The following ATP6V1A variants were observed in gnomAD, a reference collection of about 807,000 sequenced individuals.
ATP6V1A encodes ATPase H+ transporting V1 subunit A, also known as V-type proton ATPase catalytic subunit A.
A neutral mutation model predicts 70.1 loss-of-function variants in ATP6V1A; 18 were observed. The ratio of observed to expected loss-of-function variants is 0.26; its 90% CI spans 0.18 to 0.38. The LOEUF (loss-of-function observed/expected upper bound fraction) is 0.38, where lower values mean the gene tolerates loss of function less well. ATP6V1A is among the 10% of genes least tolerant of loss of function. The probability of loss-of-function intolerance (pLI) is 1.00; values close to 1 mark genes in which losing one functional copy is unlikely to be tolerated. For synonymous variants in ATP6V1A, 232 were observed against 253.8 expected (o/e 0.91, Z 0.82); for missense variants, 424 against 772.4 (o/e 0.55, Z 5.35).
chr3:113,786,378 T>C lies in ATP6V1A; in HGVS notation c.711T>C (p.Leu237=). 2 of 1,613,214 alleles carry C rather than the reference T, an allele frequency of 1.2e-6. No homozygotes were observed. The highest frequency in any genetic ancestry group is 1.1e-5 in the South Asian group (1 of 90,944). Residue 237 remains leucine, a synonymous_variant, in exon 6 of 15, where the codon CTT becomes CTC. Transcript: ENST00000273398. ...CTGGCCAGAGAGTCCTTGATGCCCT[T>C]TTTCCGTAAGTTTGAGATGTGTCCC... ...LLTGQRVLDA[L]FPCVQGGTTA...
intron 1 of ATP6V1A, among the ~76,000 whole-genome samples, chr3:113,754,587 T>C (rs182079773): frequency 1.3e-5 from 2 of 152,068 alleles, no homozygotes; most frequent in African/African-American, 2.4e-5. Flanking sequence ...TGATAGGGAC[T>C]ACTAGATAGG....
chr3:113,759,414 G>A (rs910363640), intron 1 of ATP6V1A, among the ~76,000 whole-genome samples: 1 of 151,376 alleles, frequency 6.6e-6, no homozygotes, highest in African/African-American at 2.4e-5. Flanking sequence ...ATATGTGTTG[G>A]AGTAGAGCCT....
At position 113,761,069 on chromosome 3, in the gene ATP6V1A, G is replaced by GA. The variant is rs1041747319; in HGVS notation, c.-14+13966dup. Among the ~76,000 whole-genome samples the GA allele has an allele frequency of 9.1e-4, 120 of 132,142 alleles. 1 individual carries two copies. Among genetic ancestry groups the GA allele is most frequent in the Non-Finnish European group, 7.7e-4 (47 of 61,216 alleles). The allele number at this position is 132,142 out of a possible 152,430, so 86.7% of individuals were successfully genotyped here. ...CCATAGAGCGAGACTCTGTCTCAAA[G>GA]AAAAAAAAAATAGACATATTTTCTT... On this transcript the variant is annotated intron_variant, in intron 1 of 14. Coordinates refer to ENST00000273398, the MANE Select transcript of ATP6V1A (RefSeq NM_001690.4).
chr3:113,775,699 A>T (rs943442314), intron 1 of ATP6V1A, among the ~76,000 whole-genome samples: 10 of 152,176 alleles, frequency 6.6e-5, no homozygotes. Context: ...CTGACCCAAG[A>T]TCTCATGCTG....
chr3:113,750,284 C>T (rs920201514), intron 1 of ATP6V1A, among the ~76,000 whole-genome samples: 1 of 152,130 alleles, frequency 6.6e-6, no homozygotes, highest in Non-Finnish European at 1.5e-5. Context: ...TCGAGACCAT[C>T]CTGGCTAACA....
chr3:113,795,342 A>C (rs568125657), intron 10 of ATP6V1A, 138 bp downstream of exon 10: 19 of 887,558 alleles, frequency 2.1e-5, no homozygotes, highest in Non-Finnish European at 3.0e-5. Flanking sequence ...GTTGCACTCC[A>C]GAGTCACCTA....
At chr3:113,771,673 A>G (rs929068793) in intron 1 of ATP6V1A, among the ~76,000 whole-genome samples, 2 of 151,806 alleles carry the variant, frequency 1.3e-5, no homozygotes, top group Non-Finnish European at 2.9e-5. Context: ...TCCTGACCTC[A>G]TGATCCGCCT....
chr3:113,760,764 G>A (rs1012516469), intron 1 of ATP6V1A, among the ~76,000 whole-genome samples: 3 of 150,248 alleles, frequency 2.0e-5, no homozygotes, highest in Non-Finnish European at 3.0e-5. Context: ...ATGACAGGAT[G>A]GATTCGTTTA....
At chr3:113,770,745 A>G (rs1240653033) in intron 1 of ATP6V1A, among the ~76,000 whole-genome samples, 2 of 152,126 alleles carry the variant, frequency 1.3e-5, no homozygotes, top group Non-Finnish European at 2.9e-5. Flanking sequence ...CTGTAAAGCT[A>G]TTTTATGTAG....
chr3:113,794,735 G>A, intron 8 of ATP6V1A, 137 bp from the exon 9 acceptor site: 1 of 971,988 alleles, frequency 1.0e-6, no homozygotes, highest in Non-Finnish European at 1.5e-6. Context: ...CCCAGAAAAA[G>A]AGGAAGAGCA....
intron 1 of ATP6V1A, among the ~76,000 whole-genome samples, chr3:113,772,713 G>A (rs1378571207): frequency 1.4e-5 from 2 of 142,156 alleles, no homozygotes; most frequent in Non-Finnish European, 3.0e-5. Context: ...GGGCGACAGA[G>A]CAAGACTCCA....
rs755434228 is a variant in ATP6V1A at position 113,795,066 on chromosome 3, T to G, written c.1112-24T>G. On this transcript the variant is annotated intron_variant, in intron 9 of 14. Transcript: ENST00000273398. ...TCGGGGCTGGCTTAGAAACTCTGTT[T>G]TAAAATTTCTTTTCATTTTTCAGAT... is the stretch of plus-strand genomic sequence containing the variant. The G allele has an allele frequency of 9.9e-6, 16 of 1,613,692 alleles. No individual in the cohort carries two copies. The African/African-American group carries it at 2.0e-4, about 20-fold the overall frequency.
In ATP6V1A at chr3:113,808,156, AAAG is replaced by A. The variant is rs547067603; in HGVS notation, c.1762-1176_1762-1174del. On this transcript the variant is annotated intron_variant, in intron 14 of 14. Transcript: ENST00000273398. Reference sequence around the variant, plus strand: ...AAAAAAAAAAAAAACAAAGAAAAGAAAAGAAAATTTCCAGTTATTGGTGTGGAC... The same window carrying A: ...AAAAAAAAAAAAAACAAAGAAAAGAAAAAATTTCCAGTTATTGGTGTGGAC... Among the ~76,000 whole-genome samples the A allele has an allele frequency of 1.4e-3, 209 of 151,664 alleles. 1 individual carries two copies. The highest frequency in any genetic ancestry group is 2.6e-3 in the Non-Finnish European group (175 of 67,870).
chr3:113,752,143 T>G (rs1708594301), intron 1 of ATP6V1A, among the ~76,000 whole-genome samples: 2 of 151,948 alleles, frequency 1.3e-5, no homozygotes, highest in Admixed American at 1.3e-4. Context: ...GTTTCTTTTC[T>G]GAAAAATAAT....
At chr3:113,750,222 G>A (rs1341600579) in intron 1 of ATP6V1A, among the ~76,000 whole-genome samples, 1 of 152,170 alleles carries the variant, frequency 6.6e-6, no homozygotes, top group African/African-American at 2.4e-5. Context: ...AGTGGTGTCT[G>A]TAATCCCAGT....
At chr3:113,781,438 A>C (rs1023756207) in intron 3 of ATP6V1A, among the ~76,000 whole-genome samples, 2 of 152,086 alleles carry the variant, frequency 1.3e-5, no homozygotes, top group African/African-American at 4.8e-5. Context: ...AATCGCTTGC[A>C]CCCTGGAGGT....
intron 1 of ATP6V1A, among the ~76,000 whole-genome samples, chr3:113,749,683 C>G (rs898489042): frequency 6.6e-6 from 1 of 152,176 alleles, no homozygotes; most frequent in African/African-American, 2.4e-5. Flanking sequence ...GGACTGTGAA[C>G]TATAATACTA....
At chr3:113,785,984 C>G (rs1709035680) in intron 5 of ATP6V1A, among the ~76,000 whole-genome samples, 1 of 144,632 alleles carries the variant, frequency 6.9e-6, no homozygotes, top group African/African-American at 2.6e-5. Flanking sequence ...ATTACAGTCA[C>G]AAGTCTGATA....
intron 1 of ATP6V1A, among the ~76,000 whole-genome samples, chr3:113,777,819 A>G (rs1213803602): frequency 6.6e-6 from 1 of 152,214 alleles, no homozygotes; most frequent in African/African-American, 2.4e-5. Context: ...CAGAGGGAAC[A>G]ACCTGTACAA....
Sources: allele counts gnomAD v4.1 joint callset (sites outside exome capture counted in the v4.1 genomes callset), GRCh38; gene constraint gnomAD v4.1.1; transcripts MANE v1.5; gene names NCBI Gene and HGNC (gene_info 2026-07-23, HGNC 2026-07-21).